Variants in RARB observed in about 807,000 individuals in gnomAD.
RARB encodes the protein HBV-activated protein.
A neutral mutation model predicts 51.9 loss-of-function variants in RARB; 17 were observed. The observed-to-expected ratio is 0.33, with a 90% CI of 0.22 to 0.49. The LOEUF is 0.49. Ranked by LOEUF, RARB falls within the 20% of genes least tolerant of loss-of-function variation. RARB has a pLI of 0.99. For missense variants in RARB, 369 were observed against 550.8 expected (o/e 0.67, Z 3.30); for synonymous variants, 215 against 195.4 (o/e 1.10, Z -0.84).
chr3:24,837,611 G>T (rs1330899975), intron 1 of RARB, among the ~76,000 whole-genome samples: 1 of 152,210 alleles, frequency 6.6e-6, no homozygotes, highest in Non-Finnish European at 1.5e-5. Flanking sequence ...CAGATTCTAT[G>T]TGATTTTCAC....
intron 2 of RARB, among the ~76,000 whole-genome samples, chr3:24,970,078 T>G (rs1696361117): frequency 6.6e-6 from 1 of 152,072 alleles, no homozygotes; most frequent in African/African-American, 2.4e-5. Flanking sequence ...GGTCTCTGAT[T>G]AAATGACTCA....
chr3:24,989,785 T>TC lies in RARB; in HGVS notation c.-379-70340_-379-70339insC, dbSNP rs1696871523. ...TGTCATATGTTTTTCTTTTTTTTTT[T>TC]TTTTTTTTTTTTTTTTTTTTTTTTT... On this transcript the variant is annotated intron_variant, in intron 2 of 11. Transcript: ENST00000383772. Among the ~76,000 whole-genome samples the TC allele has an allele frequency of 1.1e-4, 2 of 17,840 alleles. 1 individual carries two copies. Among genetic ancestry groups the TC allele is most frequent in the Non-Finnish European group, 1.9e-4 (2 of 10,738 alleles). The allele number at this position is 17,840 out of a possible 152,430, so 11.7% of individuals were successfully genotyped here.
intron 5 of RARB, among the ~76,000 whole-genome samples, chr3:25,327,703 A>T (rs1256011199): frequency 1.3e-5 from 2 of 152,216 alleles, no homozygotes; most frequent in Non-Finnish European, 2.9e-5. Flanking sequence ...TAAATCAGAA[A>T]TGTAAAGCAA....
Position 24,858,415 on chromosome 3 carries a change from T to C in RARB, c.-458-259T>C, listed in dbSNP as rs1043276681. ...AGCCCACCCCTGAGCCCAGTTAATATGAAGCACTGAACCAAGATGGCTGTA... is the reference window on the plus strand; with the variant it reads ...AGCCCACCCCTGAGCCCAGTTAATACGAAGCACTGAACCAAGATGGCTGTA... On this transcript the variant is annotated intron_variant, in intron 1 of 11. Transcript: ENST00000383772. Among the ~76,000 whole-genome samples, 17 of 152,274 alleles carry C rather than the reference T, an allele frequency of 1.1e-4. 1 individual carries two copies. The South Asian group carries it at 3.5e-3, about 32-fold the overall frequency.
In RARB at chr3:24,989,925, G is replaced by A. The variant is rs1186710143; in HGVS notation, c.-379-70200G>A. 7.4e-5 allele frequency among the ~76,000 whole-genome samples: 7 copies of A among 94,518 alleles called. 1 individual carries two copies. Among genetic ancestry groups the A allele is most frequent in the African/African-American group, 2.5e-4 (6 of 23,628 alleles). The allele number at this position is 94,518 out of a possible 152,430, so 62.0% of individuals were successfully genotyped here. A position where few individuals can be genotyped will look rare whatever the true frequency, so the allele number is the denominator to read the frequency against. On this transcript the variant is annotated intron_variant, in intron 2 of 11. Transcript: ENST00000383772. ...CGCCATTCTCCTGCCTCAGCCTCCC[G>A]AGTAGCTGGGACTACAGGCGCCCGC... is the stretch of plus-strand genomic sequence containing the variant.
intron 2 of RARB, among the ~76,000 whole-genome samples, chr3:25,486,896 C>G (rs1384916397): frequency 6.6e-6 from 1 of 152,116 alleles, no homozygotes; most frequent in African/African-American, 2.4e-5. Context: ...ATTTTATTAT[C>G]TAAGTATATT....
At position 24,865,824 on chromosome 3, in the gene RARB, G is replaced by C. The variant is rs569543455; in HGVS notation, c.-380+7072G>C. ...AATGGGTGTTGATTTGCTACAGTGA[G>C]GTTATTGTGGCTTTGACCTAATTGT... On this transcript the variant is annotated intron_variant, in intron 2 of 11. Transcript: ENST00000383772. Among the ~76,000 whole-genome samples the C allele has an allele frequency of 2.4e-4, 37 of 152,250 alleles. 1 individual carries two copies. The highest frequency in any genetic ancestry group is 8.4e-4 in the African/African-American group (35 of 41,556).
At chr3:24,952,255 TA>T (rs1695910787) in intron 2 of RARB, among the ~76,000 whole-genome samples, 1 of 152,054 alleles carries the variant, frequency 6.6e-6, no homozygotes, top group Non-Finnish European at 1.5e-5. Context: ...TGTTTTTTTT[TA>T]GTGAATTAAA....
chr3:25,551,197 A>C (rs1332820813), intron 3 of RARB, among the ~76,000 whole-genome samples: 2 of 152,188 alleles, frequency 1.3e-5, no homozygotes, highest in Non-Finnish European at 2.9e-5. Flanking sequence ...TGAGCAGTTC[A>C]CAAGGTATTA....
intron 3 of RARB, among the ~76,000 whole-genome samples, chr3:25,108,236 C>A (rs540168879): frequency 6.6e-6 from 1 of 152,120 alleles, no homozygotes; most frequent in Admixed American, 6.5e-5. Flanking sequence ...GATGGTTGAT[C>A]GTGGGTGACT....
At chr3:25,348,370 G>A (rs1005978855) in intron 5 of RARB, among the ~76,000 whole-genome samples, 1 of 145,628 alleles carries the variant, frequency 6.9e-6, no homozygotes, top group African/African-American at 2.6e-5. Context: ...AACTATAGTG[G>A]GAGCAATGTG....
At chr3:25,032,382 T>C (rs1007828253) in intron 2 of RARB, among the ~76,000 whole-genome samples, 1 of 152,194 alleles carries the variant, frequency 6.6e-6, no homozygotes, top group African/African-American at 2.4e-5. Flanking sequence ...CACTTTTTTC[T>C]CCAAAGCCAG....
intron 2 of RARB, among the ~76,000 whole-genome samples, chr3:25,470,565 A>C (rs1051105702): frequency 6.6e-6 from 1 of 152,216 alleles, no homozygotes; most frequent in African/African-American, 2.4e-5. Flanking sequence ...GGAAGGCAAG[A>C]GGACTCAGAA....
chr3:25,558,171 C>G (rs890150627), intron 3 of RARB, among the ~76,000 whole-genome samples: 1 of 152,160 alleles, frequency 6.6e-6, no homozygotes, highest in Non-Finnish European at 1.5e-5. Flanking sequence ...AACATGTTTT[C>G]AAGCGCTTGG....
intron 2 of RARB, among the ~76,000 whole-genome samples, chr3:24,967,313 T>C (rs1696297508): frequency 6.6e-6 from 1 of 152,146 alleles, no homozygotes; most frequent in Non-Finnish European, 1.5e-5. Flanking sequence ...CTTATGACCT[T>C]GGAGTAGAAG....
intron 2 of RARB, among the ~76,000 whole-genome samples, chr3:25,031,042 A>G (rs749308586): frequency 4.1e-4 from 62 of 152,086 alleles, no homozygotes; most frequent in Non-Finnish European, 6.6e-4. Context: ...ATTTAGCACT[A>G]CTGACATTTG....
intron 1 of RARB, among the ~76,000 whole-genome samples, chr3:25,435,735 C>A (rs553812433): frequency 3.0e-4 from 46 of 152,132 alleles, no homozygotes; most frequent in African/African-American, 1.1e-3. Context: ...TTAATTAGTC[C>A]TTTTTATATT....
intron 3 of RARB, among the ~76,000 whole-genome samples, chr3:25,502,296 A>G (rs1466480437): frequency 6.6e-6 from 1 of 152,216 alleles, no homozygotes; most frequent in Non-Finnish European, 1.5e-5. Flanking sequence ...GAGGAATTAC[A>G]TTATGAATCA....
intron 2 of RARB, among the ~76,000 whole-genome samples, chr3:25,040,597 G>C (rs13064047): frequency 0.12 from 17,720 of 151,944 alleles, 1,397 homozygotes; most frequent in South Asian, 0.3. Context: ...TCCAGGCATG[G>C]TGGTGCATGC....
Sources: allele counts gnomAD v4.1 joint callset (sites outside exome capture counted in the v4.1 genomes callset), GRCh38; gene constraint gnomAD v4.1.1; transcripts MANE v1.5; gene names NCBI Gene and HGNC (gene_info 2026-07-23, HGNC 2026-07-21).